Variants in MROH9 observed in about 807,000 individuals in gnomAD.
MROH9 encodes maestro heat like repeat family member 9.
A neutral mutation model predicts 98.2 loss-of-function variants in MROH9; 92 were observed. That is an observed-to-expected ratio of 0.94 (90% CI 0.79 to 1.11). MROH9 has a LOEUF of 1.11. Among genes scored for constraint, MROH9 ranks in the 50% most tolerant of loss-of-function variants. The probability of loss-of-function intolerance (pLI) is 0.00; values close to 1 mark genes in which losing one functional copy is unlikely to be tolerated. For missense variants in MROH9, 1,057 were observed against 1,014.8 expected (o/e 1.04, Z -0.57); for synonymous variants, 397 against 368.9 (o/e 1.08, Z -0.87).
chr1:170,958,435 T>C (rs1382571089), intron 3 of MROH9, 26 bp from the exon 4 acceptor site: 21 of 1,401,548 alleles, frequency 1.5e-5, no homozygotes, highest in Middle Eastern at 3.7e-4. Context: ...TCTTCTTTTT[T>C]TTTTTTTTTT....
At chr1:171,015,012 C>T (rs1571503611) in intron 16 of MROH9, 1 of 471,838 alleles carries the variant, frequency 2.1e-6, no homozygotes, top group South Asian at 1.5e-5. Flanking sequence ...CCTTCCAGGT[C>T]GACTGAATTT....
At position 170,993,060 on chromosome 1, in the gene MROH9, A is replaced by G. The variant is rs1651418245; in HGVS notation, c.1194+731A>G. On this transcript the variant is annotated intron_variant, in intron 12 of 21. Coordinates refer to ENST00000367759, the MANE Select transcript of MROH9 (RefSeq NM_001163629.2). ...TTCTACGATGCCAATTACAATCCCT[A>G]AAGGCAAAATCCTGAACACCATAAT... is the stretch of plus-strand genomic sequence containing the variant. Among the ~76,000 whole-genome samples, 3 of 152,318 alleles carry G rather than the reference A, an allele frequency of 2.0e-5. No homozygotes were observed. The South Asian group carries it at 6.2e-4, about 32-fold the overall frequency.
chr1:170,959,454 C>A lies in MROH9; in HGVS notation c.153-8C>A, dbSNP rs771194025. ...TCATCATTAATAATTGCTCCTTTTT[C>A]TTGTCAGCTTTGTGGATCCCTTACT... On this transcript the variant is annotated splice_polypyrimidine_tract_variant and splice_region_variant and intron_variant, in intron 4 of 21. Coordinates refer to ENST00000367759, the MANE Select transcript of MROH9 (RefSeq NM_001163629.2). The A allele has an allele frequency of 3.8e-6, 6 of 1,584,970 alleles. No individual in the cohort carries two copies. The South Asian group carries it at 7.1e-5, about 19-fold the overall frequency.
At position 171,064,249 on chromosome 1, in the gene MROH9, A is replaced by G; in HGVS notation, c.2495A>G (p.Lys832Arg). 1 of 1,551,584 alleles carries G rather than the reference A, an allele frequency of 6.4e-7. No homozygotes were observed. Among genetic ancestry groups the G allele is most frequent in the African/African-American group, 1.4e-5 (1 of 73,162 alleles). Residue 832 changes from lysine (K) to arginine (R), a missense_variant, in exon 22 of 22, where the codon AAA becomes AGA. Coordinates refer to ENST00000367759, the MANE Select transcript of MROH9 (RefSeq NM_001163629.2). ...QKLLKLFYIK[K>R]LKPLYNYNSP... is the part of the protein sequence containing the mutation. ...TTGCTTAAATTATTCTACATCAAAAAATTGAAGCCTCTTTACAATTATAAC... is the reference window on the plus strand; with the variant it reads ...TTGCTTAAATTATTCTACATCAAAAGATTGAAGCCTCTTTACAATTATAAC...
intron 8 of MROH9, among the ~76,000 whole-genome samples, chr1:170,977,071 G>GTTTTTCAGCTC (rs1650730498): frequency 6.6e-6 from 1 of 151,948 alleles, no homozygotes; most frequent in African/African-American, 2.4e-5. Flanking sequence ...CTTGTAGTGT[G>GTTTTTCAGCTC]TTTTTCAGCT....
chr1:170,998,360 T>TC, intron 15 of MROH9, 86 bp downstream of exon 15: 1 of 1,611,862 alleles, frequency 6.2e-7, no homozygotes, highest in Non-Finnish European at 8.5e-7. Flanking sequence ...CTCGTATCTC[T>TC]CCCTCTGAAT....
rs540076633 is a variant in MROH9 at position 171,038,234 on chromosome 1, A to G, written c.2281+12814A>G. Among the ~76,000 whole-genome samples the G allele has an allele frequency of 8.5e-5, 13 of 152,210 alleles. No individual in the cohort carries two copies. In the South Asian group the frequency reaches 2.5e-3, roughly 29 times the overall value. ...GTAACAATAGAAAAATGGACGAAGT[A>G]CACACCAAAAAAAAATCATTTGGCT... is the stretch of plus-strand genomic sequence containing the variant. On this transcript the variant is annotated intron_variant, in intron 20 of 21. Coordinates refer to ENST00000367759, the MANE Select transcript of MROH9 (RefSeq NM_001163629.2).
chr1:170,973,619 T>C (rs1650565238), intron 8 of MROH9, among the ~76,000 whole-genome samples: 2 of 152,344 alleles, frequency 1.3e-5, no homozygotes, highest in South Asian at 4.1e-4. Context: ...CTCATGCCTG[T>C]AATCCCAGCA....
At chr1:171,044,083 A>G (rs377686233) in intron 20 of MROH9, among the ~76,000 whole-genome samples, 15 of 152,158 alleles carry the variant, frequency 9.9e-5, no homozygotes, top group African/African-American at 3.4e-4. Context: ...TTCCCCATTC[A>G]GTATGATACG....
intron 15 of MROH9, among the ~76,000 whole-genome samples, chr1:171,009,200 C>G (rs538243133): frequency 1.3e-4 from 20 of 151,452 alleles, no homozygotes; most frequent in Admixed American, 8.5e-4. Context: ...TGTGTAGTTT[C>G]GACGCATAAA....
intron 8 of MROH9, among the ~76,000 whole-genome samples, chr1:170,972,635 C>T (rs1326667893): frequency 1.3e-5 from 2 of 151,108 alleles, no homozygotes; most frequent in Non-Finnish European, 2.9e-5. Flanking sequence ...ACAGTGAAAC[C>T]CCCTCTCTAC....
chr1:170,952,986 A>G (rs1440204220), intron 3 of MROH9, among the ~76,000 whole-genome samples: 1 of 152,032 alleles, frequency 6.6e-6, no homozygotes, highest in African/African-American at 2.4e-5. Context: ...TTGGTTTTCA[A>G]AAATGTATTA....
Position 170,986,552 on chromosome 1 carries a change from T to G in MROH9, c.730-9T>G. 1 of 1,611,590 alleles carries G rather than the reference T, an allele frequency of 6.2e-7. No individual in the cohort carries two copies. Among genetic ancestry groups the G allele is most frequent in the Non-Finnish European group, 8.5e-7 (1 of 1,178,714 alleles). On this transcript the variant is annotated splice_polypyrimidine_tract_variant and intron_variant, in intron 9 of 21. Coordinates refer to ENST00000367759, the MANE Select transcript of MROH9 (RefSeq NM_001163629.2). ...GGCCTGAGGTCATGATTATCCTTTG[T>G]GGTTGCAGAGAGTAGGGCAAACCTT...
chr1:171,013,312 C>T (rs1189657639), intron 15 of MROH9, among the ~76,000 whole-genome samples: 3 of 152,190 alleles, frequency 2.0e-5, no homozygotes, highest in African/African-American at 7.2e-5. Flanking sequence ...AGCATTACCA[C>T]CTGAGCTCTG....
At chr1:171,032,069 C>T (rs537199693) in intron 20 of MROH9, among the ~76,000 whole-genome samples, 4 of 152,144 alleles carry the variant, frequency 2.6e-5, no homozygotes, top group East Asian at 3.9e-4. Context: ...TTGGTCAGTT[C>T]GGCTATTGAT....
chr1:171,057,659 A>G (rs1169130756), intron 20 of MROH9, among the ~76,000 whole-genome samples: 3 of 152,208 alleles, frequency 2.0e-5, no homozygotes, highest in South Asian at 2.1e-4. Context: ...CCCAAGATAC[A>G]TAATCATCAG....
chr1:170,958,385 C>T (rs1175203995), intron 3 of MROH9, 76 bp from the exon 4 acceptor site: 2 of 796,690 alleles, frequency 2.5e-6, no homozygotes, highest in Non-Finnish European at 4.0e-6. Context: ...GGAAGAAGTG[C>T]ACATGCTATT....
chr1:171,014,013 T>G, intron 15 of MROH9, 104 bp from the exon 16 acceptor site: 4 of 909,286 alleles, frequency 4.4e-6, no homozygotes, highest in South Asian at 1.7e-5. Flanking sequence ...GATGTTTTAG[T>G]GAGATTTGCA....
chr1:170,971,017 G>T (rs1650437125), intron 7 of MROH9, among the ~76,000 whole-genome samples: 1 of 152,080 alleles, frequency 6.6e-6, no homozygotes, highest in Admixed American at 6.6e-5. Flanking sequence ...TCTAAAAAAA[G>T]ACATGCAAAA....
Sources: allele counts gnomAD v4.1 joint callset (sites outside exome capture counted in the v4.1 genomes callset), GRCh38; gene constraint gnomAD v4.1.1; transcripts MANE v1.5; gene names NCBI Gene and HGNC (gene_info 2026-07-23, HGNC 2026-07-21).